Variants in HSD17B4 observed in about 807,000 individuals in gnomAD.
HSD17B4 encodes the protein hydroxysteroid 17-beta dehydrogenase 4, also known as peroxisomal multifunctional enzyme type 2.
HSD17B4 carries 70 observed loss-of-function variants against 101.0 expected under a neutral mutation model. The observed-to-expected ratio is 0.69, with a 90% CI of 0.57 to 0.85. The LOEUF (loss-of-function observed/expected upper bound fraction) is 0.85. Among genes scored for constraint, HSD17B4 ranks in the 40% least tolerant of loss-of-function variants. HSD17B4 has a pLI of 0.00. For synonymous variants in HSD17B4, 347 were observed against 297.1 expected, an observed-to-expected ratio of 1.17 and a Z score of -1.73; for missense variants, 984 against 892.4, an observed-to-expected ratio of 1.10 and a Z score of -1.31.
At chr5:119,536,935 G>C (rs1236107981) in intron 23 of HSD17B4, among the ~76,000 whole-genome samples, 1 of 152,082 alleles carries the variant, frequency 6.6e-6, no homozygotes, top group Non-Finnish European at 1.5e-5. Flanking sequence ...GTGAATCTTA[G>C]AGGCATTTCA....
At chr5:119,516,894 G>T (rs143918486) in intron 17 of HSD17B4, among the ~76,000 whole-genome samples, 24 of 152,352 alleles carry the variant, frequency 1.6e-4, no homozygotes, top group Admixed American at 1.3e-3. Context: ...TCAGAGAAGG[G>T]ATACTTATTA....
At chr5:119,514,703 T>C (rs1465765857) in intron 16 of HSD17B4, among the ~76,000 whole-genome samples, 3 of 152,192 alleles carry the variant, frequency 2.0e-5, no homozygotes, top group Non-Finnish European at 4.4e-5. Flanking sequence ...GGAGTAACTG[T>C]CCTTAACTTT....
chr5:119,500,844 A>G (rs1182732084), intron 13 of HSD17B4, among the ~76,000 whole-genome samples: 1 of 152,150 alleles, frequency 6.6e-6, no homozygotes, highest in East Asian at 1.9e-4. Flanking sequence ...AACAGTGGTG[A>G]GAAGTTCTTT....
In HSD17B4 at chr5:119,479,211, A is replaced by G. The variant is rs1748884589; in HGVS notation, c.622+190A>G. Among the ~76,000 whole-genome samples the G allele has an allele frequency of 2.0e-5, 3 of 152,196 alleles. No homozygotes were observed. In the South Asian group the frequency reaches 6.2e-4, roughly 32 times the overall value. On this transcript the variant is annotated intron_variant, in intron 8 of 23. Coordinates refer to ENST00000510025, the MANE Select transcript of HSD17B4 (RefSeq NM_000414.4). ...CAAAGGAAAAAATAAAAAATGACCC[A>G]TAATTCTACCACATCGATAAAAACT...
At chr5:119,499,718 A>G (rs955290643) in intron 13 of HSD17B4, 165 bp downstream of exon 13, 23 of 419,072 alleles carry the variant, frequency 5.5e-5, no homozygotes, top group Non-Finnish European at 8.6e-5. Flanking sequence ...TTAAGAATAA[A>G]AGAGGGGAGA....
At chr5:119,499,252 TGTAA>T in intron 12 of HSD17B4, 61 bp from the exon 13 acceptor site, 1 of 1,034,978 alleles carries the variant, frequency 9.7e-7, no homozygotes, top group Admixed American at 1.7e-5. Flanking sequence ...AAACTAGGTA[TGTAA>T]GAAGTTAATA....
chr5:119,509,457 G>A (rs762557979), intron 16 of HSD17B4: 12 of 683,234 alleles, frequency 1.8e-5, no homozygotes, highest in Non-Finnish European at 2.9e-5. Flanking sequence ...TGATGAGGAT[G>A]AAGACCTTTA....
intron 23 of HSD17B4, 119 bp downstream of exon 23, chr5:119,536,669 A>G: frequency 4.5e-6 from 4 of 894,800 alleles, no homozygotes; most frequent in South Asian, 2.8e-5. Flanking sequence ...AACTCTGAAG[A>G]TGACACAGTT....
chr5:119,507,799 T>C (rs971519228), intron 15 of HSD17B4, among the ~76,000 whole-genome samples: 1 of 150,758 alleles, frequency 6.6e-6, no homozygotes, highest in Non-Finnish European at 1.5e-5. Context: ...AAAAAAAAAA[T>C]TTGTACATTT....
intron 8 of HSD17B4, among the ~76,000 whole-genome samples, chr5:119,479,384 C>G (rs1748903362): frequency 6.6e-6 from 1 of 152,086 alleles, no homozygotes; most frequent in Non-Finnish European, 1.5e-5. Flanking sequence ...GAGAATTCTT[C>G]TATACTTTAC....
At chr5:119,475,351 G>C (rs973863174) in intron 4 of HSD17B4, among the ~76,000 whole-genome samples, 10 of 152,078 alleles carry the variant, frequency 6.6e-5, no homozygotes, top group African/African-American at 2.4e-4. Context: ...ACTTTAACTT[G>C]CTAAGTGAAT....
In HSD17B4 at chr5:119,506,692, C is replaced by T. The variant is rs1449940143; in HGVS notation, c.1262-126C>T. 3 of 586,804 alleles carry T rather than the reference C, an allele frequency of 5.1e-6. No homozygotes were observed. In the South Asian group the frequency reaches 5.4e-5, roughly 11 times the overall value. The allele number at this position is 586,804 out of a possible 1,614,324, so 36.3% of individuals were successfully genotyped here. A position where few individuals can be genotyped will look rare whatever the true frequency, so the allele number is the denominator to read the frequency against. ...CTGCAGCATCTGTTGTTCAGGAACA[C>T]TATTTCAAACCATAGTTTTTTAGTT... On this transcript the variant is annotated intron_variant, in intron 14 of 23. Transcript: ENST00000510025.
intron 2 of HSD17B4, among the ~76,000 whole-genome samples, chr5:119,459,231 C>A (rs568039079): frequency 2.0e-5 from 3 of 152,308 alleles, no homozygotes; most frequent in African/African-American, 7.2e-5. Context: ...GTTTTAAATC[C>A]TGGCTCTGCT....
intron 4 of HSD17B4, among the ~76,000 whole-genome samples, chr5:119,475,320 G>C (rs1225076922): frequency 6.6e-6 from 1 of 152,050 alleles, no homozygotes; most frequent in Non-Finnish European, 1.5e-5. Flanking sequence ...TTTTACTTTT[G>C]AGTGGCAAGG....
At chr5:119,540,187 C>T (rs975239146) in intron 23 of HSD17B4, among the ~76,000 whole-genome samples, 1 of 152,116 alleles carries the variant, frequency 6.6e-6, no homozygotes, top group South Asian at 2.1e-4. Flanking sequence ...GCATGGCACT[C>T]CTAGGCCAAA....
chr5:119,472,986 A>G (rs1018497437), intron 2 of HSD17B4, among the ~76,000 whole-genome samples: 4 of 152,124 alleles, frequency 2.6e-5, no homozygotes, highest in African/African-American at 7.2e-5. Context: ...ATTACGTTTC[A>G]TTGCTTGTAT....
intron 8 of HSD17B4, 58 bp downstream of exon 8, chr5:119,479,079 G>A (rs1246554904): frequency 7.8e-7 from 1 of 1,277,030 alleles, no homozygotes; most frequent in Non-Finnish European, 1.1e-6. Flanking sequence ...TGTGGAATGA[G>A]CTTTACAAAA....
intron 17 of HSD17B4, among the ~76,000 whole-genome samples, chr5:119,520,210 GA>G (rs1561481385): frequency 6.6e-6 from 1 of 151,766 alleles, no homozygotes; most frequent in East Asian, 1.9e-4. Context: ...TTGACTGGGT[GA>G]TCTTTCTGCT....
intron 17 of HSD17B4, among the ~76,000 whole-genome samples, chr5:119,524,300 A>G (rs911104686): frequency 2.6e-5 from 4 of 152,130 alleles, no homozygotes; most frequent in Non-Finnish European, 4.4e-5. Flanking sequence ...ATTATAGAAT[A>G]TTTTCTATAA....
Sources: allele counts gnomAD v4.1 joint callset (sites outside exome capture counted in the v4.1 genomes callset), GRCh38; gene constraint gnomAD v4.1.1; transcripts MANE v1.5; gene names NCBI Gene and HGNC (gene_info 2026-07-23, HGNC 2026-07-21).